DENND2A: variants seen among roughly 807,000 people sequenced by gnomAD.
DENND2A encodes DENN domain containing 2A, also known as DENN domain-containing protein 2A.
A neutral mutation model predicts 105.3 loss-of-function variants in DENND2A; 53 were observed. The ratio of observed to expected loss-of-function variants is 0.50; its 90% CI spans 0.40 to 0.63. The LOEUF (loss-of-function observed/expected upper bound fraction) is 0.63. Ranked by LOEUF, DENND2A falls within the 30% of genes least tolerant of loss-of-function variation. The pLI is 0.00. For missense variants in DENND2A, 1,138 were observed against 1,279.6 expected (o/e 0.89, Z 1.69); for synonymous variants, 522 against 508.4 (o/e 1.03, Z -0.36).
At position 140,518,529 on chromosome 7, in the gene DENND2A, C is replaced by T; in HGVS notation, c.*178G>A. 1.9e-6 allele frequency: 1 copy of T among 527,422 alleles called. No individual in the cohort carries two copies. The allele number at this position is 527,422 out of a possible 1,614,324, so 32.7% of individuals were successfully genotyped here. A position where few individuals can be genotyped will look rare whatever the true frequency, so the allele number is the denominator to read the frequency against. Reference sequence around the variant, plus strand: ...TCTCGGGCTCCCTTTCTGGGGCTGTCCTCCCAGGCGGCTCCCAGGTCCTCA... The same window carrying T: ...TCTCGGGCTCCCTTTCTGGGGCTGTTCTCCCAGGCGGCTCCCAGGTCCTCA... On this transcript the variant is annotated 3_prime_UTR_variant, in exon 20 of 20. Transcript: ENST00000496613.
chr7:140,578,455 C>A (rs1258693137), intron 5 of DENND2A, among the ~76,000 whole-genome samples: 1 of 152,214 alleles, frequency 6.6e-6, no homozygotes, highest in Non-Finnish European at 1.5e-5. Context: ...ATCTCAACAT[C>A]ATTCCTACTC....
At chr7:140,589,257 A>G (rs976271085) in intron 3 of DENND2A, among the ~76,000 whole-genome samples, 1 of 152,222 alleles carries the variant, frequency 6.6e-6, no homozygotes, top group African/African-American at 2.4e-5. Context: ...AAACTAAAAC[A>G]GGCTGAATTT....
chr7:140,524,252 A>C (rs1585546745), intron 16 of DENND2A, among the ~76,000 whole-genome samples: 1 of 152,214 alleles, frequency 6.6e-6, no homozygotes, highest in African/African-American at 2.4e-5. Context: ...GTAATCCATC[A>C]GAATGCCCAG....
At chr7:140,623,293 C>T (rs1214990990) in intron 1 of DENND2A, among the ~76,000 whole-genome samples, 4 of 140,082 alleles carry the variant, frequency 2.9e-5, no homozygotes, top group Admixed American at 1.5e-4. Context: ...CCAGCCTGGG[C>T]GACACAGCGA....
At position 140,518,460 on chromosome 7, in the gene DENND2A, C is replaced by A; in HGVS notation, c.*247G>T. 1 of 431,082 alleles carries A rather than the reference C, an allele frequency of 2.3e-6. No homozygotes were observed. The highest frequency in any genetic ancestry group is 4.1e-6 in the Non-Finnish European group (1 of 243,878). 26.7% of individuals were successfully genotyped at this position (431,082 alleles called of 1,614,324 possible). On this transcript the variant is annotated 3_prime_UTR_variant, in exon 20 of 20. Coordinates refer to ENST00000496613, the MANE Select transcript of DENND2A (RefSeq NM_015689.5). Reference sequence around the variant, plus strand: ...TAATATCTAAGATAAAAAAAAAAACCCAACCACCAAAACAACCCATTTGCA... The same window carrying A: ...TAATATCTAAGATAAAAAAAAAAACACAACCACCAAAACAACCCATTTGCA...
Position 140,539,200 on chromosome 7 carries a change from C to T in DENND2A, c.2327+5418G>A, listed in dbSNP as rs1447875509. ...TCCCCAAACCCTTGTTTGTCATGGC[C>T]TGGCCAAAGAACACTTCAATTCCCT... is the stretch of plus-strand genomic sequence containing the variant. On this transcript the variant is annotated intron_variant, in intron 14 of 19. Coordinates refer to ENST00000496613, the MANE Select transcript of DENND2A (RefSeq NM_015689.5). Among the ~76,000 whole-genome samples the T allele has an allele frequency of 2.0e-5, 3 of 152,222 alleles. No individual in the cohort carries two copies. The East Asian group carries it at 5.8e-4, about 29-fold the overall frequency.
intron 12 of DENND2A, among the ~76,000 whole-genome samples, chr7:140,552,697 C>T (rs1466620138): frequency 1.3e-5 from 2 of 152,060 alleles, no homozygotes; most frequent in African/African-American, 4.8e-5. Context: ...TGCGCCTGGC[C>T]TTCTTTTGTG....
At chr7:140,637,446 C>G (rs1262018121) in intron 1 of DENND2A, among the ~76,000 whole-genome samples, 2 of 152,176 alleles carry the variant, frequency 1.3e-5, no homozygotes, top group Non-Finnish European at 2.9e-5. Flanking sequence ...GAGATCTGTG[C>G]CTGAGTCTGC....
chr7:140,579,490 T>G (rs1798445735), intron 5 of DENND2A, among the ~76,000 whole-genome samples: 1 of 151,042 alleles, frequency 6.6e-6, no homozygotes, highest in Non-Finnish European at 1.5e-5. Context: ...CCTCCCAGAT[T>G]CAAGCAATTC....
chr7:140,583,471 C>G (rs1798628437), intron 5 of DENND2A, among the ~76,000 whole-genome samples: 1 of 150,034 alleles, frequency 6.7e-6, no homozygotes. Flanking sequence ...GGGAGAGGTC[C>G]CGGTAAGAGC....
intron 11 of DENND2A, among the ~76,000 whole-genome samples, chr7:140,557,864 G>A (rs552711588): frequency 1.1e-4 from 17 of 152,046 alleles, no homozygotes; most frequent in Non-Finnish European, 2.4e-4. Flanking sequence ...TAGAGACAGG[G>A]CCTCATTTTG....
intron 1 of DENND2A, among the ~76,000 whole-genome samples, chr7:140,620,549 T>C (rs1800250203): frequency 2.0e-5 from 3 of 152,186 alleles, no homozygotes. Flanking sequence ...AAGCATATAT[T>C]ATAATTGCTA....
intron 1 of DENND2A, among the ~76,000 whole-genome samples, chr7:140,637,440 T>C (rs1453998487): frequency 6.6e-6 from 1 of 152,296 alleles, no homozygotes; most frequent in East Asian, 1.9e-4. Context: ...GGCCAGGAGA[T>C]CTGTGCCTGA....
intron 3 of DENND2A, among the ~76,000 whole-genome samples, chr7:140,588,065 C>T (rs1195415959): frequency 1.3e-5 from 2 of 152,134 alleles, no homozygotes; most frequent in African/African-American, 4.8e-5. Context: ...CATGCACCAC[C>T]ATGCCTGGCT....
intron 6 of DENND2A, among the ~76,000 whole-genome samples, chr7:140,570,337 A>C (rs947479341): frequency 6.6e-6 from 1 of 152,150 alleles, no homozygotes; most frequent in Admixed American, 6.5e-5. Context: ...ATTGCTCATG[A>C]TGCGATGGCT....
rs1441220361 is a variant in DENND2A at position 140,583,739 on chromosome 7, G to A, written c.1245+1850C>T. Among the ~76,000 whole-genome samples the A allele has an allele frequency of 2.7e-3, 400 of 149,242 alleles. 4 individuals carry two copies. The highest frequency in any genetic ancestry group is 3.1e-3 in the Non-Finnish European group (212 of 67,932). On this transcript the variant is annotated intron_variant, in intron 5 of 19. Coordinates refer to ENST00000496613, the MANE Select transcript of DENND2A (RefSeq NM_015689.5). ...GGTCAGGAGATCGAGACCATCCTGT[G>A]AATGGTGAAACCCCGTCTCTACTAA...
At chr7:140,565,353 A>C (rs73491595) in intron 9 of DENND2A, among the ~76,000 whole-genome samples, 2 of 151,778 alleles carry the variant, frequency 1.3e-5, no homozygotes, top group Non-Finnish European at 2.9e-5. Context: ...GGAGATGGTT[A>C]TTTTATGTCC....
intron 1 of DENND2A, among the ~76,000 whole-genome samples, chr7:140,609,438 A>G (rs989832974): frequency 8.5e-5 from 13 of 152,162 alleles, no homozygotes; most frequent in Admixed American, 7.9e-4. Flanking sequence ...GCTTGAACCC[A>G]GGAGGCGGAA....
At chr7:140,624,387 CTT>C (rs1171843360) in intron 1 of DENND2A, among the ~76,000 whole-genome samples, 2 of 152,070 alleles carry the variant, frequency 1.3e-5, no homozygotes, top group Non-Finnish European at 2.9e-5. Context: ...CAACAACAAA[CTT>C]AATGATACTG....
Sources: allele counts gnomAD v4.1 joint callset (sites outside exome capture counted in the v4.1 genomes callset), GRCh38; gene constraint gnomAD v4.1.1; transcripts MANE v1.5; gene names NCBI Gene and HGNC (gene_info 2026-07-23, HGNC 2026-07-21).